The following CHCHD6 variants were observed in gnomAD, a reference collection of about 807,000 sequenced individuals.
CHCHD6 encodes the protein MICOS complex subunit MIC25.
A neutral mutation model predicts 32.3 loss-of-function variants in CHCHD6; 28 were observed. The observed-to-expected ratio is 0.87, with a 90% CI of 0.64 to 1.19. CHCHD6 has a LOEUF of 1.19. Among genes scored for constraint, CHCHD6 ranks in the 50% most tolerant of loss-of-function variants. The pLI, the probability that CHCHD6 is intolerant of heterozygous loss-of-function variation, is 0.00. For missense variants in CHCHD6, 333 were observed against 307.0 expected (o/e 1.08, Z -0.63); for synonymous variants, 122 against 117.5 (o/e 1.04, Z -0.25).
At chr3:126,769,948 G>GT (rs1475054850) in intron 4 of CHCHD6, among the ~76,000 whole-genome samples, 2 of 152,158 alleles carry the variant, frequency 1.3e-5, no homozygotes, top group African/African-American at 4.8e-5. Flanking sequence ...AATCATACTA[G>GT]TTTTTTGTAT....
At chr3:126,937,834 G>A (rs1392824911) in intron 6 of CHCHD6, among the ~76,000 whole-genome samples, 1 of 152,090 alleles carries the variant, frequency 6.6e-6, no homozygotes, top group Non-Finnish European at 1.5e-5. Flanking sequence ...AGGGTGTGGG[G>A]GGAGATAGTA....
chr3:126,863,365 A>ACCT (rs1300253936), intron 5 of CHCHD6, among the ~76,000 whole-genome samples: 1 of 98,292 alleles, frequency 1.0e-5, no homozygotes, highest in South Asian at 4.1e-4. Flanking sequence ...TACCATCACC[A>ACCT]CCTCCTCCTC....
intron 6 of CHCHD6, among the ~76,000 whole-genome samples, chr3:126,922,161 T>C (rs1352768972): frequency 6.6e-6 from 1 of 152,248 alleles, no homozygotes; most frequent in East Asian, 1.9e-4. Flanking sequence ...AAAATTTAGT[T>C]AATTTCTTAT....
intron 6 of CHCHD6, among the ~76,000 whole-genome samples, chr3:126,948,273 T>C (rs74985874): frequency 0.013 from 2,036 of 152,316 alleles, 19 homozygotes; most frequent in African/African-American, 0.024. Context: ...GGTCCACAAT[T>C]AAGGTGTTGG....
chr3:126,877,030 C>T (rs1399107363), intron 5 of CHCHD6, among the ~76,000 whole-genome samples: 2 of 152,132 alleles, frequency 1.3e-5, no homozygotes, highest in Non-Finnish European at 2.9e-5. Context: ...TGTGAATTAA[C>T]AACCACTAAT....
At chr3:126,757,850 T>C (rs1937021492) in intron 4 of CHCHD6, among the ~76,000 whole-genome samples, 1 of 152,026 alleles carries the variant, frequency 6.6e-6, no homozygotes, top group Non-Finnish European at 1.5e-5. Context: ...TGTCAGCAAC[T>C]AATTCAGACT....
At chr3:126,705,259 TTC>T (rs1009248923) in intron 1 of CHCHD6, among the ~76,000 whole-genome samples, 19 of 152,358 alleles carry the variant, frequency 1.2e-4, no homozygotes, top group African/African-American at 4.1e-4. Flanking sequence ...CAGTGATCGC[TTC>T]TGTTGATAAT....
At chr3:126,808,027 G>C (rs1337897479) in intron 4 of CHCHD6, among the ~76,000 whole-genome samples, 1 of 152,204 alleles carries the variant, frequency 6.6e-6, no homozygotes, top group East Asian at 1.9e-4. Flanking sequence ...CAACATTTAT[G>C]TCTCACAGTT....
At chr3:126,816,167 C>T (rs546575655) in intron 4 of CHCHD6, among the ~76,000 whole-genome samples, 5 of 152,240 alleles carry the variant, frequency 3.3e-5, no homozygotes, top group South Asian at 4.2e-4. Flanking sequence ...AGGACCTCCC[C>T]GAGGTCCAAG....
chr3:126,898,616 G>A (rs2077875839), intron 5 of CHCHD6, among the ~76,000 whole-genome samples: 1 of 152,170 alleles, frequency 6.6e-6, no homozygotes, highest in Non-Finnish European at 1.5e-5. Flanking sequence ...TCAGCTCACT[G>A]CAACCTCTGC....
At chr3:126,807,622 C>T (rs1939459039) in intron 4 of CHCHD6, among the ~76,000 whole-genome samples, 2 of 152,092 alleles carry the variant, frequency 1.3e-5, no homozygotes, top group African/African-American at 2.4e-5. Context: ...GAACATTTCC[C>T]AGAACTGAGG....
intron 7 of CHCHD6, 34 bp downstream of exon 7, chr3:126,957,585 G>T: frequency 6.5e-7 from 1 of 1,550,274 alleles, no homozygotes; most frequent in Non-Finnish European, 8.7e-7. Flanking sequence ...GTTTCCAAGG[G>T]CCTTGGGAGG....
chr3:126,932,452 C>G (rs575210379), intron 6 of CHCHD6, among the ~76,000 whole-genome samples: 1 of 152,344 alleles, frequency 6.6e-6, no homozygotes, highest in South Asian at 2.1e-4. Flanking sequence ...CCAGGGAAAG[C>G]CTCTAAATCC....
chr3:126,927,938 C>A (rs1258483158), intron 6 of CHCHD6, among the ~76,000 whole-genome samples: 1 of 152,208 alleles, frequency 6.6e-6, no homozygotes, highest in Non-Finnish European at 1.5e-5. Context: ...ACAGACAGGG[C>A]CTTTCCATCC....
intron 4 of CHCHD6, among the ~76,000 whole-genome samples, chr3:126,817,298 A>G (rs1939948806): frequency 6.6e-6 from 1 of 150,668 alleles, no homozygotes; most frequent in African/African-American, 2.4e-5. Context: ...TTCTCTTTAC[A>G]ATTGAGTACC....
chr3:126,945,278 A>G (rs997976190), intron 6 of CHCHD6, among the ~76,000 whole-genome samples: 6 of 151,990 alleles, frequency 3.9e-5, no homozygotes, highest in Non-Finnish European at 7.4e-5. Context: ...CTGAGGCCAA[A>G]GCACAGAGCT....
chr3:126,704,827 A>G (rs1934398646), intron 1 of CHCHD6, among the ~76,000 whole-genome samples: 1 of 152,028 alleles, frequency 6.6e-6, no homozygotes, highest in African/African-American at 2.4e-5. Context: ...TGTTCTCCAC[A>G]GCACATCTGC....
chr3:126,873,159 A>G (rs1483636081), intron 5 of CHCHD6, among the ~76,000 whole-genome samples: 1 of 152,194 alleles, frequency 6.6e-6, no homozygotes, highest in Non-Finnish European at 1.5e-5. Flanking sequence ...ATATTCAAAG[A>G]ATAAGTGGAG....
chr3:126,954,480 C>T (rs11709494), intron 6 of CHCHD6, among the ~76,000 whole-genome samples: 6 of 152,230 alleles, frequency 3.9e-5, no homozygotes, highest in Admixed American at 6.5e-5. Flanking sequence ...TGAGGCTCAG[C>T]CACATGACTC....
Sources: allele counts gnomAD v4.1 joint callset (sites outside exome capture counted in the v4.1 genomes callset), GRCh38; gene constraint gnomAD v4.1.1; transcripts MANE v1.5; gene names NCBI Gene and HGNC (gene_info 2026-07-23, HGNC 2026-07-21).